PTBP2: variants seen among roughly 807,000 people sequenced by gnomAD.
PTBP2 encodes polypyrimidine tract binding protein 2.
In PTBP2, 13 loss-of-function variants were observed where a neutral mutation model predicts 61.4. The observed-to-expected ratio is 0.21, with a 90% CI of 0.14 to 0.34. The LOEUF (loss-of-function observed/expected upper bound fraction) is 0.34, where lower values mean the gene tolerates loss of function less well. Ranked by LOEUF, PTBP2 falls within the 10% of genes least tolerant of loss-of-function variation. The pLI is 1.00. For missense variants in PTBP2, 405 were observed against 642.6 expected (o/e 0.63, Z 4.00); for synonymous variants, 215 against 218.5 (o/e 0.98, Z 0.14).
intron 3 of PTBP2, among the ~76,000 whole-genome samples, chr1:96,765,725 T>TAGATAGATAGAG (rs1656616149): frequency 6.6e-6 from 1 of 151,446 alleles, no homozygotes; most frequent in East Asian, 1.9e-4. Flanking sequence ...GATAGATAGA[T>TAGATAGATAGAG]AGATAGATAG....
chr1:96,743,089 A>T lies in PTBP2; in HGVS notation c.40-8336A>T, dbSNP rs374878288. ...ATCACGAGGTCAGGAGATCAAGACCATTTTGGCTAACACAGTGAAAACCTG... is the reference window on the plus strand; with the variant it reads ...ATCACGAGGTCAGGAGATCAAGACCTTTTTGGCTAACACAGTGAAAACCTG... On this transcript the variant is annotated intron_variant, in intron 2 of 13. Transcript: ENST00000674951. Among the ~76,000 whole-genome samples the T allele has an allele frequency of 3.2e-4, 48 of 152,080 alleles. No individual in the cohort carries two copies. The South Asian group carries it at 9.3e-3, about 30-fold the overall frequency.
At chr1:96,756,321 C>A (rs904733788) in intron 3 of PTBP2, among the ~76,000 whole-genome samples, 9 of 152,186 alleles carry the variant, frequency 5.9e-5, no homozygotes, top group African/African-American at 2.2e-4. Context: ...ATTACTTGAA[C>A]CCAGGAGGTG....
intron 2 of PTBP2, among the ~76,000 whole-genome samples, chr1:96,726,231 T>A (rs1650480204): frequency 6.6e-6 from 1 of 151,724 alleles, no homozygotes; most frequent in Admixed American, 6.6e-5. Context: ...AACATCTTTA[T>A]TTACGTGATT....
chr1:96,761,436 A>G (rs1253077941), intron 3 of PTBP2, among the ~76,000 whole-genome samples: 5 of 150,838 alleles, frequency 3.3e-5, no homozygotes, highest in Admixed American at 6.6e-5. Context: ...TTTTTGTTCC[A>G]TTTGTATTTC....
chr1:96,792,794 TTA>T (rs1420953789), intron 8 of PTBP2, among the ~76,000 whole-genome samples: 1 of 152,124 alleles, frequency 6.6e-6, no homozygotes, highest in African/African-American at 2.4e-5. Flanking sequence ...ACGTTAAAAT[TTA>T]TGTCAATCTT....
At chr1:96,756,478 A>G (rs913752306) in intron 3 of PTBP2, among the ~76,000 whole-genome samples, 8 of 152,222 alleles carry the variant, frequency 5.3e-5, no homozygotes, top group Non-Finnish European at 8.8e-5. Context: ...TAGTCTGCGC[A>G]GAAAGTAGCA....
chr1:96,791,826 C>CTTTTTTTTGTTTTTTTTTTTTTTTT (rs1482989030), intron 8 of PTBP2, among the ~76,000 whole-genome samples: 1 of 66,126 alleles, frequency 1.5e-5, no homozygotes, highest in Non-Finnish European at 2.6e-5. Context: ...TGGAGTTGTG[C>CTTTTTTTTGTTTTTTTTTTTTTTTT]TTTTTTTTTT....
chr1:96,788,360 A>G (rs943077805), intron 8 of PTBP2, among the ~76,000 whole-genome samples: 1 of 152,204 alleles, frequency 6.6e-6, no homozygotes, highest in South Asian at 2.1e-4. Context: ...CAAAGTATTC[A>G]TTTGTAGGAC....
intron 1 of PTBP2, 151 bp from the exon 2 acceptor site, chr1:96,723,413 C>A: frequency 1.8e-6 from 1 of 547,186 alleles, no homozygotes; most frequent in Non-Finnish European, 3.2e-6. Flanking sequence ...ACAGGTAAGT[C>A]ACGGATCATC....
intron 4 of PTBP2, 35 bp downstream of exon 4, chr1:96,769,910 C>T (rs1657194526): frequency 2.7e-6 from 4 of 1,475,370 alleles, no homozygotes; most frequent in African/African-American, 2.9e-5. Context: ...AATGTTAAAC[C>T]CCAAACTATC....
chr1:96,773,448 G>A (rs887422947), intron 5 of PTBP2, among the ~76,000 whole-genome samples: 3 of 151,944 alleles, frequency 2.0e-5, no homozygotes, highest in South Asian at 2.1e-4. Flanking sequence ...TAAAAAATAC[G>A]TCACTATATG....
At chr1:96,724,249 TTTTTTG>T (rs1233980137) in intron 2 of PTBP2, among the ~76,000 whole-genome samples, 1 of 83,608 alleles carries the variant, frequency 1.2e-5, no homozygotes, top group Non-Finnish European at 3.3e-5. Context: ...ATTGTAATTT[TTTTTTG>T]TTTTTTGTTT....
intron 4 of PTBP2, among the ~76,000 whole-genome samples, chr1:96,770,087 T>C (rs1482976103): frequency 6.6e-6 from 1 of 152,074 alleles, no homozygotes; most frequent in East Asian, 1.9e-4. Flanking sequence ...TTGAATTGAC[T>C]TTAGGGCTCT....
chr1:96,735,744 G>A (rs530695318), intron 2 of PTBP2, among the ~76,000 whole-genome samples: 2 of 152,260 alleles, frequency 1.3e-5, no homozygotes, highest in South Asian at 2.1e-4. Context: ...TAGGAGAAGC[G>A]TTAAAAATGT....
intron 8 of PTBP2, among the ~76,000 whole-genome samples, chr1:96,788,893 G>T (rs1025933260): frequency 6.6e-6 from 1 of 152,020 alleles, no homozygotes; most frequent in Non-Finnish European, 1.5e-5. Flanking sequence ...TTCAAAGAAA[G>T]GAGACTGAGT....
chr1:96,816,199 C>G (rs1183099404), downstream of PTBP2: 1 of 152,194 alleles, frequency 6.6e-6, no homozygotes, highest in East Asian at 1.9e-4. Context: ...ACAGTATGCC[C>G]TAATACGGCC....
chr1:96,787,490 G>A (rs2101083109), intron 8 of PTBP2, among the ~76,000 whole-genome samples: 1 of 152,280 alleles, frequency 6.6e-6, no homozygotes, highest in East Asian at 1.9e-4. Context: ...AAAGGAAAAA[G>A]TGTTTAGCCT....
At chr1:96,744,419 C>T (rs745933589) in intron 2 of PTBP2, among the ~76,000 whole-genome samples, 2 of 152,030 alleles carry the variant, frequency 1.3e-5, no homozygotes, top group Non-Finnish European at 2.9e-5. Flanking sequence ...ATGAGTCCCC[C>T]TGTTGTATAT....
chr1:96,771,038 C>G, intron 5 of PTBP2, 187 bp downstream of exon 5: 2 of 457,180 alleles, frequency 4.4e-6, no homozygotes, highest in Non-Finnish European at 7.5e-6. Context: ...TCCTTTAATC[C>G]CCTGGTCAAA....
Sources: allele counts gnomAD v4.1 joint callset (sites outside exome capture counted in the v4.1 genomes callset), GRCh38; gene constraint gnomAD v4.1.1; transcripts MANE v1.5; gene names NCBI Gene and HGNC (gene_info 2026-07-23, HGNC 2026-07-21).